ARSB: variants seen among roughly 807,000 people sequenced by gnomAD.
ARSB encodes the protein N-acetylgalactosamine-4-sulfatase.
In ARSB, 41 loss-of-function variants were observed where a neutral mutation model predicts 50.9. The ratio of observed to expected loss-of-function variants is 0.81; its 90% CI spans 0.63 to 1.04. ARSB has a LOEUF of 1.04. ARSB is among the 50% of genes least tolerant of loss of function. ARSB has a pLI of 0.00. For synonymous variants in ARSB, 269 were observed against 284.8 expected (o/e 0.94, Z 0.56); for missense variants, 672 against 693.3 (o/e 0.97, Z 0.35).
At chr5:78,837,954 A>G (rs929733488) in intron 6 of ARSB, among the ~76,000 whole-genome samples, 1 of 152,220 alleles carries the variant, frequency 6.6e-6, no homozygotes, top group African/African-American at 2.4e-5. Context: ...CGCCTGTCTC[A>G]GGGCCCTTTC....
At chr5:78,932,454 T>C (rs1750371564) in intron 4 of ARSB, among the ~76,000 whole-genome samples, 1 of 152,210 alleles carries the variant, frequency 6.6e-6, no homozygotes, top group African/African-American at 2.4e-5. Flanking sequence ...GAAAACATTG[T>C]GTGGGGATTG....
At chr5:78,851,893 T>C (rs12654412) in intron 5 of ARSB, among the ~76,000 whole-genome samples, 18,921 of 152,108 alleles carry the variant, frequency 0.12, 1,450 homozygotes, top group East Asian at 0.18. Flanking sequence ...CCCTGCCTTT[T>C]TTTGTTTTCC....
At chr5:78,968,247 T>C (rs936756238) in intron 2 of ARSB, among the ~76,000 whole-genome samples, 3 of 148,754 alleles carry the variant, frequency 2.0e-5, no homozygotes, top group African/African-American at 4.9e-5. Context: ...AAAGGAAAAA[T>C]TGTGAATACA....
intron 4 of ARSB, among the ~76,000 whole-genome samples, chr5:78,919,444 T>G (rs1749701437): frequency 1.3e-5 from 2 of 152,188 alleles, no homozygotes; most frequent in Non-Finnish European, 2.9e-5. Flanking sequence ...AGCCCTGCAT[T>G]GAGGAACCAC....
At chr5:78,929,020 A>G (rs1750193358) in intron 4 of ARSB, among the ~76,000 whole-genome samples, 1 of 151,988 alleles carries the variant, frequency 6.6e-6, no homozygotes, top group African/African-American at 2.4e-5. Context: ...TCCATTGCCT[A>G]CCTACATCTT....
At chr5:78,956,563 A>T (rs758413261) in intron 3 of ARSB, among the ~76,000 whole-genome samples, 7 of 152,272 alleles carry the variant, frequency 4.6e-5, no homozygotes, top group Non-Finnish European at 8.8e-5. Flanking sequence ...AAAAGACACA[A>T]GACAAAAAAT....
At chr5:78,877,330 A>C (rs1554078492) in intron 5 of ARSB, among the ~76,000 whole-genome samples, 1 of 152,186 alleles carries the variant, frequency 6.6e-6, no homozygotes, top group Non-Finnish European at 1.5e-5. Flanking sequence ...AAAACGATCA[A>C]ACTGTTTCCA....
rs188544158 is a variant in ARSB at position 78,906,027 on chromosome 5, A to G, written c.899-20200T>C. 4.9e-3 allele frequency among the ~76,000 whole-genome samples: 745 copies of G among 151,956 alleles called. 7 individuals are homozygous for G. The highest frequency in any genetic ancestry group is 0.017 in the African/African-American group (709 of 41,438). On this transcript the variant is annotated intron_variant, in intron 4 of 7. Transcript: ENST00000264914. ...GGTGCCTGCACCCCACCACAACACC[A>G]ATGCAGATCTTCAACTGGGGCCTGT...
intron 4 of ARSB, among the ~76,000 whole-genome samples, chr5:78,917,497 A>G (rs1469263487): frequency 6.6e-6 from 1 of 151,850 alleles, no homozygotes; most frequent in African/African-American, 2.4e-5. Flanking sequence ...TTAAAATGCA[A>G]TTGTGTTTGT....
chr5:78,914,323 A>G (rs1251913527), intron 4 of ARSB, among the ~76,000 whole-genome samples: 1 of 152,216 alleles, frequency 6.6e-6, no homozygotes, highest in Non-Finnish European at 1.5e-5. Flanking sequence ...AAATTAATGA[A>G]CAAATAATAA....
chr5:78,847,875 G>A (rs925066106), intron 5 of ARSB, among the ~76,000 whole-genome samples: 4 of 151,886 alleles, frequency 2.6e-5, no homozygotes, highest in African/African-American at 9.7e-5. Context: ...AGTCTCTCAT[G>A]ATCACTTGTA....
chr5:78,985,949 C>G (rs746045040), upstream of ARSB: 1 of 152,234 alleles, frequency 6.6e-6, no homozygotes, highest in African/African-American at 2.4e-5. Flanking sequence ...TCAAGTTGCC[C>G]TGGGAGGATT....
At chr5:78,930,624 A>C (rs1233077491) in intron 4 of ARSB, among the ~76,000 whole-genome samples, 1 of 152,260 alleles carries the variant, frequency 6.6e-6, no homozygotes, top group African/African-American at 2.4e-5. Context: ...TTTCTCATTA[A>C]GAAAACATGA....
intron 4 of ARSB, among the ~76,000 whole-genome samples, chr5:78,889,601 T>C (rs970596028): frequency 2.6e-5 from 4 of 152,230 alleles, no homozygotes; most frequent in African/African-American, 7.2e-5. Context: ...AACATTATCA[T>C]ATACAGACCG....
At chr5:78,947,565 A>G (rs1156667855) in intron 4 of ARSB, among the ~76,000 whole-genome samples, 1 of 152,256 alleles carries the variant, frequency 6.6e-6, no homozygotes. Flanking sequence ...AGAAATGCCA[A>G]TCAAAACTGC....
intron 6 of ARSB, chr5:78,817,003 G>A: frequency 1.2e-6 from 1 of 814,222 alleles, no homozygotes; most frequent in African/African-American, 1.9e-5. Flanking sequence ...GTAGTAAACA[G>A]GTGTTATTTT....
chr5:78,885,627 C>T lies in ARSB; in HGVS notation c.1099G>A (p.Gly367Ser). Reference protein sequence around the residue: ...LVKLARGHTNGTKPLDGFDVW... With the variant: ...LVKLARGHTNSTKPLDGFDVW... Reference sequence around the variant, plus strand: ...TCGAAGCCATCCAGAGGCTTTGTGCCATTGGTGTGTCCCCTGGCCAGCTTC... The same window carrying T: ...TCGAAGCCATCCAGAGGCTTTGTGCTATTGGTGTGTCCCCTGGCCAGCTTC... The change falls in exon 5 of 8, where the codon GGC (glycine) becomes AGC (serine). Residue 367 changes from glycine (G) to serine (S), a missense_variant. Gly to Ser is a moderately conservative substitution (Grantham distance 56, BLOSUM62 0). Coordinates refer to ENST00000264914, the MANE Select transcript of ARSB (RefSeq NM_000046.5). 6.2e-7 allele frequency: 1 copy of T among 1,614,046 alleles called. No individual in the cohort carries two copies. Among genetic ancestry groups the T allele is most frequent in the Non-Finnish European group, 8.5e-7 (1 of 1,180,018 alleles).
At chr5:78,912,837 T>C (rs1460862022) in intron 4 of ARSB, among the ~76,000 whole-genome samples, 2 of 152,214 alleles carry the variant, frequency 1.3e-5, no homozygotes, top group Non-Finnish European at 2.9e-5. Context: ...CATGTCTTGA[T>C]AAAAACCAAA....
intron 4 of ARSB, among the ~76,000 whole-genome samples, chr5:78,903,153 G>GTAT (rs1748880414): frequency 2.0e-5 from 3 of 152,150 alleles, no homozygotes; most frequent in Admixed American, 2.0e-4. Flanking sequence ...TTCAGAGGGG[G>GTAT]AATAAGCAGT....
Sources: allele counts gnomAD v4.1 joint callset (sites outside exome capture counted in the v4.1 genomes callset), GRCh38; gene constraint gnomAD v4.1.1; transcripts MANE v1.5; gene names NCBI Gene and HGNC (gene_info 2026-07-23, HGNC 2026-07-21).